Variants in GSG1L observed in about 807,000 individuals in gnomAD.
GSG1L encodes the protein germ cell-specific gene 1-like protein.
Under a neutral mutation model 42.1 loss-of-function variants are expected in GSG1L, and 24 were observed. The observed-to-expected ratio is 0.57, with a 90% CI of 0.41 to 0.80. GSG1L has a LOEUF of 0.80. Among genes scored for constraint, GSG1L ranks in the 30% least tolerant of loss-of-function variants. The pLI is 0.00. For synonymous variants in GSG1L, 215 were observed against 203.5 expected, an observed-to-expected ratio of 1.06 and a Z score of -0.48; for missense variants, 445 against 472.2, an observed-to-expected ratio of 0.94 and a Z score of 0.53.
At position 27,912,700 on chromosome 16, in the gene GSG1L, C is replaced by T. The variant is rs2084405828; in HGVS notation, c.398-28062G>A. 3.3e-5 allele frequency among the ~76,000 whole-genome samples: 5 copies of T among 152,280 alleles called. No homozygotes were observed. The South Asian group carries it at 1.0e-3, about 32-fold the overall frequency. On this transcript the variant is annotated intron_variant, in intron 2 of 6. Transcript: ENST00000447459. ...CACTTCAGAGACCAATTTGTCCTTA[C>T]CTAGTGTAGTTGAAGATGTTTGTGT... is the stretch of plus-strand genomic sequence containing the variant.
intron 5 of GSG1L, among the ~76,000 whole-genome samples, chr16:27,827,841 T>A (rs1011829201): frequency 6.6e-6 from 1 of 150,548 alleles, no homozygotes; most frequent in Non-Finnish European, 1.5e-5. Flanking sequence ...CATCTACCCA[T>A]CCACCCACTC....
chr16:27,799,484 G>A (rs2082858426), intron 6 of GSG1L, among the ~76,000 whole-genome samples: 1 of 152,182 alleles, frequency 6.6e-6, no homozygotes, highest in Non-Finnish European at 1.5e-5. Context: ...TATCAAGGCT[G>A]CAGTGAACTA....
At chr16:27,888,949 G>GATATAGATATAGAT (rs1555506443) in intron 2 of GSG1L, among the ~76,000 whole-genome samples, 3 of 151,132 alleles carry the variant, frequency 2.0e-5, no homozygotes, top group East Asian at 2.0e-4. Context: ...TATAGATATA[G>GATATAGATATAGAT]ATATAGATAT....
At chr16:27,996,349 A>C (rs2051141783) in intron 1 of GSG1L, among the ~76,000 whole-genome samples, 1 of 152,112 alleles carries the variant, frequency 6.6e-6, no homozygotes, top group Non-Finnish European at 1.5e-5. Flanking sequence ...ATTTCTTGGA[A>C]CTCATCTTAC....
At chr16:27,948,215 T>C (rs1445401445) in intron 2 of GSG1L, among the ~76,000 whole-genome samples, 1 of 152,176 alleles carries the variant, frequency 6.6e-6, no homozygotes, top group African/African-American at 2.4e-5. Flanking sequence ...AAAACGCACA[T>C]GATCTTGGTT....
intron 1 of GSG1L, among the ~76,000 whole-genome samples, chr16:27,973,077 C>T (rs1291094368): frequency 6.6e-6 from 1 of 152,034 alleles, no homozygotes; most frequent in Non-Finnish European, 1.5e-5. Context: ...TCCTTGTTGG[C>T]GAAATGGGCA....
rs2082727825 is a variant in GSG1L at position 27,789,489 on chromosome 16, T to C, written c.*1881A>G. 6.7e-6 allele frequency: 1 copy of C among 150,236 alleles called. No homozygotes were observed. The highest frequency in any genetic ancestry group is 2.1e-4 in the South Asian group (1 of 4,696). 9.3% of individuals were successfully genotyped at this position (150,236 alleles called of 1,614,324 possible). On this transcript the variant is annotated 3_prime_UTR_variant, in exon 7 of 7. Transcript: ENST00000447459. ...GATGGATGATGGATAGATGGATGAA[T>C]GGATAGATAGTGGATGGAAAGATGA...
chr16:28,013,219 C>CAA (rs34795413), intron 1 of GSG1L, among the ~76,000 whole-genome samples: 9,501 of 141,660 alleles, frequency 0.067, 754 homozygotes, highest in African/African-American at 0.2. Flanking sequence ...AACTCTGACT[C>CAA]AAAAAAAAAA....
chr16:28,020,440 T>G (rs762671078), intron 1 of GSG1L, among the ~76,000 whole-genome samples: 2 of 152,174 alleles, frequency 1.3e-5, no homozygotes, highest in Non-Finnish European at 2.9e-5. Flanking sequence ...CGATAACTAG[T>G]GCTCGTCTGA....
At chr16:27,804,182 C>T (rs62031094) in intron 6 of GSG1L, among the ~76,000 whole-genome samples, 25,148 of 151,894 alleles carry the variant, frequency 0.17, 2,344 homozygotes, top group Middle Eastern at 0.23. Context: ...ATCAACTTCC[C>T]CTCCACTGCA....
At chr16:27,996,680 C>T (rs558162308) in intron 1 of GSG1L, among the ~76,000 whole-genome samples, 132 of 152,338 alleles carry the variant, frequency 8.7e-4, no homozygotes, top group South Asian at 2.9e-3. Flanking sequence ...CTCCATCAGA[C>T]GCTCTATTCA....
At chr16:27,917,673 A>C (rs2084474850) in intron 2 of GSG1L, among the ~76,000 whole-genome samples, 1 of 152,182 alleles carries the variant, frequency 6.6e-6, no homozygotes, top group Non-Finnish European at 1.5e-5. Context: ...TTTTAAAGAG[A>C]TGAGAATTAA....
intron 1 of GSG1L, among the ~76,000 whole-genome samples, chr16:28,039,708 G>A (rs181609983): frequency 2.3e-4 from 35 of 151,292 alleles, no homozygotes; most frequent in Middle Eastern, 3.4e-3. Context: ...ACATGCCTGT[G>A]CACACACATG....
At chr16:28,055,765 C>T (rs1220627817) in intron 1 of GSG1L, among the ~76,000 whole-genome samples, 1 of 152,188 alleles carries the variant, frequency 6.6e-6, no homozygotes, top group Admixed American at 6.5e-5. Context: ...CCACCACGCC[C>T]GGCCCATTCC....
At chr16:27,935,990 A>G (rs1596626055) in intron 2 of GSG1L, among the ~76,000 whole-genome samples, 1 of 151,126 alleles carries the variant, frequency 6.6e-6, no homozygotes, top group East Asian at 2.0e-4. Flanking sequence ...TGGGATCTAC[A>G]GGACAACTAC....
intron 2 of GSG1L, among the ~76,000 whole-genome samples, chr16:27,910,858 C>T (rs887004209): frequency 6.6e-6 from 1 of 152,052 alleles, no homozygotes; most frequent in Non-Finnish European, 1.5e-5. Context: ...TACAAAAATA[C>T]CAAAACTTGC....
Position 27,843,504 on chromosome 16 carries a change from T to TAAA in GSG1L, c.662+1443_662+1445dup, listed in dbSNP as rs55755431. On this transcript the variant is annotated intron_variant, in intron 4 of 6. Coordinates refer to ENST00000447459, the MANE Select transcript of GSG1L (RefSeq NM_001109763.2). ...CCTGGGTGACAGAGCAGAGACTCTG[T>TAAA]AAAAAAAAAAAAAAAAAAAAAAAAA... Among the ~76,000 whole-genome samples, 518 of 75,902 alleles carry TAAA rather than the reference T, an allele frequency of 6.8e-3. 18 individuals carry two copies. The highest frequency in any genetic ancestry group is 0.067 in the South Asian group (140 of 2,102). 49.8% of individuals were successfully genotyped at this position (75,902 alleles called of 152,430 possible). A position where few individuals can be genotyped will look rare whatever the true frequency, so the allele number is the denominator to read the frequency against.
intron 1 of GSG1L, among the ~76,000 whole-genome samples, chr16:28,025,033 T>G (rs1177431427): frequency 6.6e-6 from 1 of 152,236 alleles, no homozygotes; most frequent in Admixed American, 6.5e-5. Context: ...CCATGCTGAC[T>G]GCTGCTGTGA....
intron 5 of GSG1L, among the ~76,000 whole-genome samples, chr16:27,810,741 G>A (rs2083021675): frequency 6.6e-6 from 1 of 151,568 alleles, no homozygotes; most frequent in Admixed American, 6.6e-5. Flanking sequence ...AGGCTGGAGT[G>A]CAGTGGTGCG....
Sources: allele counts gnomAD v4.1 joint callset (sites outside exome capture counted in the v4.1 genomes callset), GRCh38; gene constraint gnomAD v4.1.1; transcripts MANE v1.5; gene names NCBI Gene and HGNC (gene_info 2026-07-23, HGNC 2026-07-21).